PCDHA6: variants seen among roughly 807,000 people sequenced by gnomAD.
PCDHA6 encodes protocadherin alpha 6.
Under a neutral mutation model 60.3 loss-of-function variants are expected in PCDHA6, and 55 were observed. The observed-to-expected ratio is 0.91, with a 90% CI of 0.73 to 1.14. The LOEUF (loss-of-function observed/expected upper bound fraction) is 1.14. Ranked by LOEUF, PCDHA6 falls within the 50% of genes most tolerant of loss-of-function variation. PCDHA6 has a pLI of 0.00. For missense variants in PCDHA6, 1,327 were observed against 1,256.5 expected (o/e 1.06, Z -0.85); for synonymous variants, 652 against 557.9 (o/e 1.17, Z -2.38).
intron 1 of PCDHA6, among the ~76,000 whole-genome samples, chr5:140,896,511 C>T (rs1344026446): frequency 6.6e-6 from 1 of 151,744 alleles, no homozygotes; most frequent in Non-Finnish European, 1.5e-5. Context: ...TGTGCAGGCA[C>T]ACACCACAAA....
intron 1 of PCDHA6, among the ~76,000 whole-genome samples, chr5:140,904,653 A>AGT (rs2071298480): frequency 6.6e-6 from 1 of 152,104 alleles, no homozygotes; most frequent in Non-Finnish European, 1.5e-5. Context: ...TGTTTTCCAT[A>AGT]GTGGTTGTAC....
intron 3 of PCDHA6, among the ~76,000 whole-genome samples, chr5:141,007,925 G>T (rs2098351885): frequency 1.3e-5 from 2 of 152,138 alleles, no homozygotes; most frequent in South Asian, 4.2e-4. Context: ...ATATAAGCTG[G>T]AATTCTAAGC....
rs2150179853 is a variant in PCDHA6, at chr5:140,830,024, C to T, written c.1933C>T (p.His645Tyr). ...RVLDEADSPR[H>Y]RLLVLVKDHG... ...CCTGGACGAAGCGGACTCTCCGCGCCACCGGCTGCTGGTGCTGGTGAAAGA... is the reference window on the plus strand; with the variant it reads ...CCTGGACGAAGCGGACTCTCCGCGCTACCGGCTGCTGGTGCTGGTGAAAGA... Residue 645 changes from histidine (H) to tyrosine (Y), a missense_variant, in exon 1 of 4, where the codon CAC becomes TAC. By Grantham distance (83) the His-to-Tyr change is moderately conservative (BLOSUM62 2). Coordinates refer to ENST00000529310, the MANE Select transcript of PCDHA6 (RefSeq NM_018909.4). 6.2e-7 allele frequency: 1 copy of T among 1,613,946 alleles called. No homozygotes were observed. The highest frequency in any genetic ancestry group is 1.7e-5 in the Admixed American group (1 of 60,026).
intron 1 of PCDHA6, among the ~76,000 whole-genome samples, chr5:140,935,971 C>A (rs1563151362): frequency 6.7e-6 from 1 of 149,774 alleles, no homozygotes; most frequent in African/African-American, 2.5e-5. Context: ...TGGCTCACTG[C>A]AATCTCTGCC....
Position 140,843,518 on chromosome 5 carries a change from C to G in PCDHA6, c.2394+13033C>G, listed in dbSNP as rs2150361647. On this transcript the variant is annotated intron_variant, in intron 1 of 3. Transcript: ENST00000529310. ...AGCACTGCCCACTGAGGGCGGGTGC[C>G]GGGCGGGCAAGCCCACTCTGGTGTG... 99 of 1,595,534 alleles carry G rather than the reference C, an allele frequency of 6.2e-5. 6 individuals are homozygous for G. The highest frequency in any genetic ancestry group is 1.7e-4 in the Middle Eastern group (1 of 5,992).
intron 1 of PCDHA6, chr5:140,875,613 C>G (rs2055652849): frequency 8.1e-6 from 13 of 1,613,708 alleles, no homozygotes; most frequent in Non-Finnish European, 1.1e-5. Flanking sequence ...TCGTGGGCCG[C>G]ATCGCTCAGG....
At chr5:140,878,832 G>A (rs1416879653) in intron 1 of PCDHA6, among the ~76,000 whole-genome samples, 1 of 152,138 alleles carries the variant, frequency 6.6e-6, no homozygotes, top group African/African-American at 2.4e-5. Flanking sequence ...TGCACAGGCT[G>A]GACTAGAACT....
chr5:140,866,355 C>T (rs1031469942), intron 1 of PCDHA6: 16 of 152,086 alleles, frequency 1.1e-4, no homozygotes, highest in African/African-American at 3.6e-4. Flanking sequence ...GAAATGTTTA[C>T]AATATTGCAT....
chr5:140,964,579 G>A (rs2095841483), intron 1 of PCDHA6, among the ~76,000 whole-genome samples: 1 of 152,090 alleles, frequency 6.6e-6, no homozygotes, highest in Non-Finnish European at 1.5e-5. Flanking sequence ...ATAAGGGGAG[G>A]AAAGATCACT....
chr5:140,876,051 A>G, intron 1 of PCDHA6: 2 of 1,613,956 alleles, frequency 1.2e-6, no homozygotes, highest in African/African-American at 2.7e-5. Flanking sequence ...TATTGCCTGA[A>G]TTAGTTCTTC....
intron 1 of PCDHA6, among the ~76,000 whole-genome samples, chr5:140,871,958 G>A (rs1251366239): frequency 1.3e-5 from 2 of 152,180 alleles, no homozygotes; most frequent in Non-Finnish European, 2.9e-5. Context: ...CTAAAGGGAG[G>A]AGGTCTTCCT....
At chr5:140,871,224 C>G (rs1554165289) in intron 1 of PCDHA6, 3 of 1,613,902 alleles carry the variant, frequency 1.9e-6, no homozygotes. Context: ...GCGTGGTGTC[C>G]AGCCTCCTGG....
chr5:140,870,731 C>G (rs782095287), intron 1 of PCDHA6: 1 of 1,613,444 alleles, frequency 6.2e-7, no homozygotes. Flanking sequence ...GGCGTGCCGC[C>G]TCTGAGCAGC....
chr5:140,848,364 G>C lies in PCDHA6; in HGVS notation c.2394+17879G>C, dbSNP rs916399183. On this transcript the variant is annotated intron_variant, in intron 1 of 3. Transcript: ENST00000529310. ...AATACAGCCCTTTTCCCATGGGAAA[G>C]AGGCTCAATTCTTTTTCACTCTCTC... 35 of 1,077,596 alleles carry C rather than the reference G, an allele frequency of 3.2e-5. 3 individuals are homozygous for C. Among genetic ancestry groups the C allele is most frequent in the African/African-American group, 4.7e-5 (3 of 63,656 alleles). 66.8% of individuals were successfully genotyped at this position (1,077,596 alleles called of 1,614,324 possible). A position where few individuals can be genotyped will look rare whatever the true frequency, so the allele number is the denominator to read the frequency against.
At chr5:140,881,336 G>A in intron 1 of PCDHA6, 1 of 985,066 alleles carries the variant, frequency 1.0e-6, no homozygotes, top group Non-Finnish European at 1.2e-6. Context: ...CCAGGACGCC[G>A]ATTCGGGCTA....
intron 1 of PCDHA6, among the ~76,000 whole-genome samples, chr5:140,935,795 C>T (rs1366379710): frequency 2.0e-5 from 3 of 151,764 alleles, no homozygotes; most frequent in Admixed American, 6.6e-5. Flanking sequence ...AAAATATAAA[C>T]GAGATTATTT....
chr5:140,885,509 T>C (rs1020233501), intron 1 of PCDHA6, among the ~76,000 whole-genome samples: 36 of 152,208 alleles, frequency 2.4e-4, no homozygotes, highest in Admixed American at 1.4e-3. Flanking sequence ...TGAACCATGC[T>C]GTGCTATCAT....
intron 1 of PCDHA6, among the ~76,000 whole-genome samples, chr5:140,899,821 C>G (rs1286169760): frequency 1.3e-5 from 2 of 151,902 alleles, no homozygotes; most frequent in African/African-American, 4.8e-5. Flanking sequence ...TTTGTTTTTC[C>G]TTTTTGAGAC....
chr5:140,841,146 C>T, intron 1 of PCDHA6: 1 of 755,204 alleles, frequency 1.3e-6, no homozygotes, highest in Non-Finnish European at 2.1e-6. Flanking sequence ...CACATGATGT[C>T]GCTGTCTACC....
Sources: gnomAD v4.1 joint callset for allele counts (sites outside exome capture counted in the v4.1 genomes callset) on GRCh38, gnomAD v4.1.1 for gene constraint, MANE v1.5 for transcripts, NCBI Gene and HGNC (gene_info 2026-07-23, HGNC 2026-07-21) for gene names.